The following LRRC39 variants were observed in gnomAD, a reference collection of about 807,000 sequenced individuals.
LRRC39 encodes leucine-rich repeat-containing protein 39.
A neutral mutation model predicts 39.7 loss-of-function variants in LRRC39; 35 were observed. The observed-to-expected ratio is 0.88, with a 90% CI of 0.67 to 1.17. The LOEUF is 1.17. Ranked by LOEUF, LRRC39 falls within the 50% of genes most tolerant of loss-of-function variation. The probability of loss-of-function intolerance (pLI) is 0.00; values close to 1 mark genes in which losing one functional copy is unlikely to be tolerated. For synonymous variants in LRRC39, 113 were observed against 134.1 expected (o/e 0.84, Z 1.09); for missense variants, 357 against 385.8 (o/e 0.93, Z 0.62).
At chr1:100,152,316 C>A in intron 9 of LRRC39, 69 bp downstream of exon 9, 1 of 1,387,766 alleles carries the variant, frequency 7.2e-7, no homozygotes, top group Non-Finnish European at 9.8e-7. Context: ...AATCAAAAGG[C>A]AGCAGTTAGT....
intron 3 of LRRC39, among the ~76,000 whole-genome samples, chr1:100,167,490 AATGGCCTGGC>A (rs1169945064): frequency 6.6e-6 from 1 of 152,126 alleles, no homozygotes; most frequent in Non-Finnish European, 1.5e-5. Context: ...AGAAAGAGGC[AATGGCCTGGC>A]ATGGTGGCTC....
chr1:100,156,378 C>T lies in LRRC39; in HGVS notation c.514-61G>A, dbSNP rs1308643753. 4 of 1,469,462 alleles carry T rather than the reference C, an allele frequency of 2.7e-6. No individual in the cohort carries two copies. In the African/African-American group the frequency reaches 4.2e-5, roughly 15 times the overall value. The allele number at this position is 1,469,462 out of a possible 1,614,324, so 91.0% of individuals were successfully genotyped here. Reference sequence around the variant, plus strand: ...CCACAATGTAAACTACTAAAAGACTCACATTGGTAAAGGAGATATTTCACA... The same window carrying T: ...CCACAATGTAAACTACTAAAAGACTTACATTGGTAAAGGAGATATTTCACA... On this transcript the variant is annotated intron_variant, in intron 6 of 9. Transcript: ENST00000370137.
intron 6 of LRRC39, among the ~76,000 whole-genome samples, chr1:100,157,382 T>G (rs552607722): frequency 1.3e-5 from 2 of 152,300 alleles, no homozygotes; most frequent in African/African-American, 4.8e-5. Flanking sequence ...CCTTTTGCCT[T>G]CTGCCATGAT....
intron 2 of LRRC39, among the ~76,000 whole-genome samples, chr1:100,170,503 G>A (rs1659527633): frequency 6.6e-6 from 1 of 152,134 alleles, no homozygotes; most frequent in African/African-American, 2.4e-5. Context: ...GAAATAGGGA[G>A]TGACTGCTAA....
Position 100,165,059 on chromosome 1 carries a change from T to C in LRRC39, c.113+3345A>G, listed in dbSNP as rs541625696. Reference sequence around the variant, plus strand: ...TTAAACCTAACCTTTGATCTCTATATAATTTACTTTTAAAGTAGTTTATAC... The same window carrying C: ...TTAAACCTAACCTTTGATCTCTATACAATTTACTTTTAAAGTAGTTTATAC... On this transcript the variant is annotated intron_variant, in intron 3 of 9. Transcript: ENST00000370137. Among the ~76,000 whole-genome samples the C allele has an allele frequency of 2.4e-3, 369 of 152,322 alleles. 3 individuals carry two copies. The highest frequency in any genetic ancestry group is 8.3e-3 in the African/African-American group (343 of 41,560).
At chr1:100,179,046 T>C (rs1206186950), upstream of LRRC39, among the ~76,000 whole-genome samples, 1 of 152,224 alleles carries the variant, frequency 6.6e-6, no homozygotes, top group South Asian at 2.1e-4. Context: ...TACTGTCTTT[T>C]CTTCACTCAG....
intron 3 of LRRC39, among the ~76,000 whole-genome samples, chr1:100,161,927 G>A (rs1160512970): frequency 6.6e-6 from 1 of 152,178 alleles, no homozygotes; most frequent in African/African-American, 2.4e-5. Flanking sequence ...GATTACAGGC[G>A]TGAACCACTG....
intron 3 of LRRC39, among the ~76,000 whole-genome samples, chr1:100,162,869 A>G (rs1570771923): frequency 6.6e-6 from 1 of 152,354 alleles, no homozygotes; most frequent in Middle Eastern, 3.4e-3. Flanking sequence ...GAGTTAATAC[A>G]TAATTTTAGC....
chr1:100,168,735 A>T, intron 2 of LRRC39, 141 bp from the exon 3 acceptor site: 1 of 416,150 alleles, frequency 2.4e-6, no homozygotes, highest in Non-Finnish European at 4.2e-6. Context: ...ATATTTAAAA[A>T]CTCTCATAAA....
chr1:100,179,291 A>C (rs2101805824), upstream of LRRC39, among the ~76,000 whole-genome samples: 1 of 152,184 alleles, frequency 6.6e-6, no homozygotes, highest in African/African-American at 2.4e-5. Context: ...GAAAGAGTAA[A>C]GAAGCCATGG....
chr1:100,150,355 A>C (rs1375645453), intron 9 of LRRC39: 1 of 152,222 alleles, frequency 6.6e-6, no homozygotes, highest in Admixed American at 6.5e-5. Flanking sequence ...CCATGTCCCC[A>C]ATCAAGGGAA....
rs1658428452 is a variant in LRRC39 at position 100,156,179 on chromosome 1, T to C, written c.652A>G (p.Ile218Val). Residue 218 changes from isoleucine to valine, a missense_variant, in exon 7 of 10, where the codon ATA becomes GTA. By Grantham distance (29) the Ile-to-Val change is conservative. Transcript: ENST00000370137. ...AAGAGTTATTTCTTTTACCTTTCTA[T>C]AGTATCAGGAAGTTGTTCAAGTTTG... ...SNKLEQLPDT[I>V]ERMQNLHTLW... is the part of the protein sequence containing the mutation. The C allele has an allele frequency of 6.2e-7, 1 of 1,612,796 alleles. No individual in the cohort carries two copies. Among genetic ancestry groups the C allele is most frequent in the Non-Finnish European group, 8.5e-7 (1 of 1,179,404 alleles).
At chr1:100,169,943 C>T (rs1659484530) in intron 2 of LRRC39, among the ~76,000 whole-genome samples, 1 of 152,086 alleles carries the variant, frequency 6.6e-6, no homozygotes, top group African/African-American at 2.4e-5. Context: ...GATATACATC[C>T]ATTACTGCAT....
At chr1:100,167,647 C>T (rs568772633) in intron 3 of LRRC39, among the ~76,000 whole-genome samples, 9 of 151,892 alleles carry the variant, frequency 5.9e-5, no homozygotes, top group South Asian at 4.2e-4. Flanking sequence ...TGGTGGCATG[C>T]GCCTGTAATC....
Position 100,168,565 on chromosome 1 carries a change from C to G in LRRC39, c.-49G>C, listed in dbSNP as rs1355966417. 2 of 1,388,218 alleles carry G rather than the reference C, an allele frequency of 1.4e-6. No homozygotes were observed. The highest frequency in any genetic ancestry group is 2.4e-5 in the South Asian group (2 of 81,972). 86.0% of individuals were successfully genotyped at this position (1,388,218 alleles called of 1,614,324 possible). On this transcript the variant is annotated 5_prime_UTR_variant, in exon 3 of 10. Coordinates refer to ENST00000370137, the MANE Select transcript of LRRC39 (RefSeq NM_144620.4). The stretch of plus-strand genomic sequence containing the variant: ...ACCAACTTCATTAGGTTTTGAATAG[C>G]TGAATCATAGATACCATTTCAGAAA...
Position 100,159,264 on chromosome 1 carries a change from C to T in LRRC39, c.371G>A (p.Gly124Glu). The T allele has an allele frequency of 6.3e-7, 1 of 1,588,406 alleles. No homozygotes were observed. Among genetic ancestry groups the T allele is most frequent in the Non-Finnish European group, 8.6e-7 (1 of 1,168,340 alleles). The change falls in exon 5 of 10, where the codon GGG (glycine) becomes GAG (glutamate). Residue 124 changes from glycine to glutamate, a missense_variant. Gly to Glu is a moderately conservative substitution (Grantham distance 98). Coordinates refer to ENST00000370137, the MANE Select transcript of LRRC39 (RefSeq NM_144620.4). Reference sequence around the variant, plus strand: ...ATAAAAGTAATCTTTCTTACCAATCCCTGGTGGTATCTCTGAAATTGTGTT... The same window carrying T: ...ATAAAAGTAATCTTTCTTACCAATCTCTGGTGGTATCTCTGAAATTGTGTT... ...SRNTISEIPP[G>E]IGLLTRLQEL...
At chr1:100,172,601 T>A (rs1434447521) in intron 2 of LRRC39, among the ~76,000 whole-genome samples, 2 of 151,312 alleles carry the variant, frequency 1.3e-5, no homozygotes, top group Non-Finnish European at 2.9e-5. Context: ...GGTGGGCAGA[T>A]TGCATGAACT....
chr1:100,174,349 G>A (rs1659828492), intron 1 of LRRC39, among the ~76,000 whole-genome samples: 2 of 151,544 alleles, frequency 1.3e-5, no homozygotes, highest in Admixed American at 1.3e-4. Context: ...CCAGGCTGGA[G>A]AGCAGTGGCA....
intron 1 of LRRC39, among the ~76,000 whole-genome samples, chr1:100,176,246 G>T (rs193173063): frequency 6.6e-6 from 1 of 152,286 alleles, no homozygotes; most frequent in East Asian, 1.9e-4. Flanking sequence ...GACCAACATG[G>T]TGAAACCCCG....
Sources: gnomAD v4.1 joint callset for allele counts (sites outside exome capture counted in the v4.1 genomes callset) on GRCh38, gnomAD v4.1.1 for gene constraint, MANE v1.5 for transcripts, NCBI Gene and HGNC (gene_info 2026-07-23, HGNC 2026-07-21) for gene names.